Variants in LRMDA observed in about 807,000 individuals in gnomAD.
LRMDA encodes the protein leucine-rich melanocyte differentiation-associated protein.
LRMDA carries 18 observed loss-of-function variants against 29.8 expected under a neutral mutation model. The observed-to-expected ratio is 0.60, with a 90% CI of 0.42 to 0.90. The LOEUF (loss-of-function observed/expected upper bound fraction) is 0.90, where lower values mean the gene tolerates loss of function less well. LRMDA is among the 40% of genes least tolerant of loss of function. The pLI is 0.00. For missense variants in LRMDA, 273 were observed against 273.9 expected (o/e 1.00, Z 0.02); for synonymous variants, 125 against 109.4 (o/e 1.14, Z -0.89).
chr10:75,629,492 G>A (rs1029380821), intron 2 of LRMDA, among the ~76,000 whole-genome samples: 1 of 152,130 alleles, frequency 6.6e-6, no homozygotes, highest in Admixed American at 6.6e-5. Context: ...GCATTTTCAC[G>A]TTATTATCTC....
At chr10:75,738,252 T>G (rs540077294) in intron 2 of LRMDA, among the ~76,000 whole-genome samples, 1 of 152,212 alleles carries the variant, frequency 6.6e-6, no homozygotes, top group South Asian at 2.1e-4. Context: ...AGGTAGGGCC[T>G]TTGGTGGGGC....
At chr10:76,460,076 T>C (rs945772782) in intron 6 of LRMDA, among the ~76,000 whole-genome samples, 1 of 152,226 alleles carries the variant, frequency 6.6e-6, no homozygotes, top group African/African-American at 2.4e-5. Context: ...TCAAAGCCTT[T>C]CATAATGTGT....
intron 5 of LRMDA, among the ~76,000 whole-genome samples, chr10:76,224,018 C>T (rs1851901683): frequency 6.6e-6 from 1 of 152,074 alleles, no homozygotes. Flanking sequence ...CCAGGTATTC[C>T]TTATGTCTAC....
intron 5 of LRMDA, among the ~76,000 whole-genome samples, chr10:76,146,466 T>G (rs3998125): frequency 0.68 from 101,546 of 149,540 alleles, 34,893 homozygotes; most frequent in East Asian, 0.85. Context: ...TGTCTCTTTT[T>G]ATCTTTGTTG....
In LRMDA at chr10:76,156,122, G is replaced by A. The variant is rs117595612; in HGVS notation, c.516+97339G>A. On this transcript the variant is annotated intron_variant, in intron 5 of 6. Coordinates refer to ENST00000611255, the MANE Select transcript of LRMDA (RefSeq NM_001305581.2). ...ACAGAGAATGTATGCAATGTAAATG[G>A]CTAAACCTGACAGCCTCTGGCTAAT... is the stretch of plus-strand genomic sequence containing the variant. Among the ~76,000 whole-genome samples, 161 of 152,242 alleles carry A rather than the reference G, an allele frequency of 1.1e-3. No individual in the cohort carries two copies. The East Asian group carries it at 0.011, about 11-fold the overall frequency.
chr10:75,887,480 G>T (rs1845410274), intron 2 of LRMDA, among the ~76,000 whole-genome samples: 1 of 152,058 alleles, frequency 6.6e-6, no homozygotes, highest in Non-Finnish European at 1.5e-5. Context: ...GTCTTAGCAG[G>T]CTTCAGTGTG....
At chr10:76,177,401 C>CA (rs774048326) in intron 5 of LRMDA, among the ~76,000 whole-genome samples, 2,604 of 141,404 alleles carry the variant, frequency 0.018, 65 homozygotes, top group African/African-American at 0.059. Context: ...TTAAAAAAGA[C>CA]AAAAAAAAAA....
At chr10:75,798,203 G>A (rs1228880869) in intron 2 of LRMDA, among the ~76,000 whole-genome samples, 1 of 151,726 alleles carries the variant, frequency 6.6e-6, no homozygotes, top group Admixed American at 6.6e-5. Context: ...GCATTTTTGT[G>A]GATATAATTC....
intron 2 of LRMDA, among the ~76,000 whole-genome samples, chr10:75,475,520 A>G (rs2062112999): frequency 6.6e-6 from 1 of 152,228 alleles, no homozygotes; most frequent in South Asian, 2.1e-4. Context: ...TTAGTCAAGT[A>G]AAGTAGTCTT....
intron 6 of LRMDA, among the ~76,000 whole-genome samples, chr10:76,409,672 C>T (rs550163254): frequency 8.5e-5 from 13 of 152,188 alleles, no homozygotes; most frequent in South Asian, 2.1e-4. Context: ...TTATATATCT[C>T]CATGAATTTC....
Position 76,143,515 on chromosome 10 carries a change from C to T in LRMDA, c.516+84732C>T, listed in dbSNP as rs1291494954. ...CTTTTGAGAAGTGTCTGTTCATATCCTTTGCCCACTTTTTGATGGGGTTGT... is the reference window on the plus strand; with the variant it reads ...CTTTTGAGAAGTGTCTGTTCATATCTTTTGCCCACTTTTTGATGGGGTTGT... On this transcript the variant is annotated intron_variant, in intron 5 of 6. Coordinates refer to ENST00000611255, the MANE Select transcript of LRMDA (RefSeq NM_001305581.2). Among the ~76,000 whole-genome samples, 3 of 152,006 alleles carry T rather than the reference C, an allele frequency of 2.0e-5. No homozygotes were observed. The East Asian group carries it at 5.8e-4, about 29-fold the overall frequency.
At chr10:75,996,432 T>C (rs1407211439) in intron 2 of LRMDA, among the ~76,000 whole-genome samples, 1 of 152,224 alleles carries the variant, frequency 6.6e-6, no homozygotes. Flanking sequence ...GAATTGGCAA[T>C]TTCATTTGCT....
At position 76,498,921 on chromosome 10, in the gene LRMDA, A is replaced by G. The variant is rs1842893528; in HGVS notation, c.602-58288A>G. Among the ~76,000 whole-genome samples, 2 of 74,222 alleles carry G rather than the reference A, an allele frequency of 2.7e-5. 1 individual carries two copies. The highest frequency in any genetic ancestry group is 8.9e-5 in the Non-Finnish European group (2 of 22,492). 48.7% of individuals were successfully genotyped at this position (74,222 alleles called of 152,430 possible). A position where few individuals can be genotyped will look rare whatever the true frequency, so the allele number is the denominator to read the frequency against. On this transcript the variant is annotated intron_variant, in intron 6 of 6. Coordinates refer to ENST00000611255, the MANE Select transcript of LRMDA (RefSeq NM_001305581.2). ...TAACAAATAAGTCACTCTTTCTTCC[A>G]TAGTCTATTTATAAGCCTTACAAGT...
At chr10:76,142,368 C>T (rs1333756873) in intron 5 of LRMDA, among the ~76,000 whole-genome samples, 1 of 152,026 alleles carries the variant, frequency 6.6e-6, no homozygotes, top group Admixed American at 6.6e-5. Flanking sequence ...GTGTGGTCCT[C>T]TTCAGTGTAA....
chr10:76,035,165 A>C, intron 2 of LRMDA, among the ~76,000 whole-genome samples: 1 of 150,058 alleles, frequency 6.7e-6, no homozygotes. Context: ...CTGCCTCAAC[A>C]TCTACAGGGT....
rs536920547 is a variant in LRMDA, at chr10:75,990,821, A to G, written c.132-45187A>G. Among the ~76,000 whole-genome samples, 12 of 152,326 alleles carry G rather than the reference A, an allele frequency of 7.9e-5. No individual in the cohort carries two copies. The South Asian group carries it at 2.3e-3, about 29-fold the overall frequency. On this transcript the variant is annotated intron_variant, in intron 2 of 6. Transcript: ENST00000611255. ...ACTCGAATGAGGGATGGGAAAGATC[A>G]GGGCTGGAGGACTGTGGGTGTGGAG... is the stretch of plus-strand genomic sequence containing the variant.
intron 3 of LRMDA, among the ~76,000 whole-genome samples, chr10:76,041,433 A>T (rs939516030): frequency 6.6e-6 from 1 of 152,200 alleles, no homozygotes; most frequent in African/African-American, 2.4e-5. Context: ...CCGTTTCCTT[A>T]ATTGTTATTT....
At chr10:76,241,731 A>G (rs1207291439) in intron 5 of LRMDA, among the ~76,000 whole-genome samples, 1 of 152,132 alleles carries the variant, frequency 6.6e-6, no homozygotes, top group Admixed American at 6.5e-5. Flanking sequence ...GGTGAATAAC[A>G]CTGCCTGACC....
rs529801949 is a variant in LRMDA at position 75,961,206 on chromosome 10, C to A, written c.132-74802C>A. On this transcript the variant is annotated intron_variant, in intron 2 of 6. Transcript: ENST00000611255. The stretch of plus-strand genomic sequence containing the variant: ...ACTCTTGCCAGCCTGCAAATTAAAA[C>A]ACTCTTAATATTTTGATGTATTTCC... 1.3e-5 allele frequency among the ~76,000 whole-genome samples: 2 copies of A among 152,314 alleles called. 1 individual carries two copies. The highest frequency in any genetic ancestry group is 4.1e-4 in the South Asian group (2 of 4,826).
Sources: allele counts gnomAD v4.1 joint callset (sites outside exome capture counted in the v4.1 genomes callset), GRCh38; gene constraint gnomAD v4.1.1; transcripts MANE v1.5; gene names NCBI Gene and HGNC (gene_info 2026-07-23, HGNC 2026-07-21).